The following IMMP2L variants were observed in gnomAD, a reference collection of about 807,000 sequenced individuals.
IMMP2L encodes mitochondrial inner membrane protease subunit 2.
In IMMP2L, 18 loss-of-function variants were observed where a neutral mutation model predicts 19.3. That is an observed-to-expected ratio of 0.93 (90% confidence interval 0.64 to 1.38). The LOEUF (loss-of-function observed/expected upper bound fraction) is 1.38, where lower values mean the gene tolerates loss of function less well. Among genes scored for constraint, IMMP2L ranks in the 40% most tolerant of loss-of-function variants. The probability of loss-of-function intolerance (pLI) is 0.00; values close to 1 mark genes in which losing one functional copy is unlikely to be tolerated. For synonymous variants in IMMP2L, 76 were observed against 73.0 expected (o/e 1.04, Z -0.21); for missense variants, 233 against 218.2 (o/e 1.07, Z -0.43).
At chr7:111,473,350 T>C (rs1326782913) in intron 3 of IMMP2L, among the ~76,000 whole-genome samples, 2 of 152,138 alleles carry the variant, frequency 1.3e-5, no homozygotes, top group Non-Finnish European at 2.9e-5. Context: ...TGGACTCCTA[T>C]GTGGCAGCCT....
intron 4 of IMMP2L, among the ~76,000 whole-genome samples, chr7:110,890,324 T>C (rs900787832): frequency 1.3e-5 from 2 of 152,204 alleles, no homozygotes. Flanking sequence ...TATTTGAATA[T>C]TGCTATGCTA....
At position 110,930,516 on chromosome 7, in the gene IMMP2L, G is replaced by C. The variant is rs1260981986; in HGVS notation, c.305+32984C>G. On this transcript the variant is annotated intron_variant, in intron 4 of 5. Transcript: ENST00000405709. The stretch of plus-strand genomic sequence containing the variant: ...ATTTATTATAATAGCTATATAGGTA[G>C]GTTATATTATTTCTACTTTACTAAG... 2.0e-5 allele frequency among the ~76,000 whole-genome samples: 3 copies of C among 152,128 alleles called. No homozygotes were observed. The East Asian group carries it at 5.8e-4, about 29-fold the overall frequency.
At chr7:111,271,571 T>A (rs1818472831) in intron 3 of IMMP2L, among the ~76,000 whole-genome samples, 2 of 152,100 alleles carry the variant, frequency 1.3e-5, no homozygotes, top group Admixed American at 1.3e-4. Context: ...ATAGAGTAGG[T>A]CAAGGTTGGG....
intron 3 of IMMP2L, among the ~76,000 whole-genome samples, chr7:110,996,122 A>C (rs1425321248): frequency 6.6e-6 from 1 of 152,152 alleles, no homozygotes; most frequent in African/African-American, 2.4e-5. Context: ...AACATAGACA[A>C]GTATGCAATT....
At chr7:110,749,507 C>G (rs1458286020) in intron 5 of IMMP2L, among the ~76,000 whole-genome samples, 1 of 152,074 alleles carries the variant, frequency 6.6e-6, no homozygotes, top group African/African-American at 2.4e-5. Context: ...AAATGCCCAT[C>G]AATGATAGGC....
chr7:111,386,169 C>T (rs1305920322), intron 3 of IMMP2L, among the ~76,000 whole-genome samples: 1 of 152,010 alleles, frequency 6.6e-6, no homozygotes, highest in Non-Finnish European at 1.5e-5. Flanking sequence ...TAAACCACCA[C>T]TCCCAGCCTG....
At chr7:110,697,968 TA>T (rs1356981597) in intron 5 of IMMP2L, among the ~76,000 whole-genome samples, 17 of 152,328 alleles carry the variant, frequency 1.1e-4, no homozygotes, top group Non-Finnish European at 8.8e-5. Context: ...ATTTTATTGC[TA>T]AAATACTATG....
intron 5 of IMMP2L, among the ~76,000 whole-genome samples, chr7:110,745,086 C>T (rs912821934): frequency 5.3e-5 from 8 of 152,008 alleles, no homozygotes; most frequent in African/African-American, 1.5e-4. Context: ...AAACATAGTA[C>T]GAGAATTTCG....
chr7:111,274,968 T>C (rs1176529961), intron 3 of IMMP2L, among the ~76,000 whole-genome samples: 3 of 152,172 alleles, frequency 2.0e-5, no homozygotes, highest in African/African-American at 7.2e-5. Flanking sequence ...CATCTTCCAG[T>C]CTCTGATCCC....
chr7:110,663,487 T>C lies in IMMP2L; in HGVS notation c.*115A>G, dbSNP rs1791211623. 3.6e-6 allele frequency: 3 copies of C among 841,188 alleles called. No individual in the cohort carries two copies. The highest frequency in any genetic ancestry group is 1.9e-6 in the Non-Finnish European group (1 of 514,688). 52.1% of individuals were successfully genotyped at this position (841,188 alleles called of 1,614,324 possible). ...ACAGATCGTTTTAATGTGCTGTAAATATTTCTCGCACAGCATCATATTGTC... is the reference window on the plus strand; with the variant it reads ...ACAGATCGTTTTAATGTGCTGTAAACATTTCTCGCACAGCATCATATTGTC... On this transcript the variant is annotated 3_prime_UTR_variant, in exon 6 of 6. Coordinates refer to ENST00000405709, the MANE Select transcript of IMMP2L (RefSeq NM_032549.4).
At chr7:111,516,690 T>C (rs546459331) in intron 2 of IMMP2L, among the ~76,000 whole-genome samples, 1 of 152,236 alleles carries the variant, frequency 6.6e-6, no homozygotes, top group African/African-American at 2.4e-5. Flanking sequence ...TTGCTATAAA[T>C]ACAAAGTCTC....
chr7:111,058,133 A>C (rs762010081), intron 3 of IMMP2L, among the ~76,000 whole-genome samples: 5 of 152,064 alleles, frequency 3.3e-5, no homozygotes, highest in Non-Finnish European at 7.4e-5. Flanking sequence ...GAATTTATCT[A>C]TTTTTCTTTT....
At chr7:111,058,931 T>C (rs745398360) in intron 3 of IMMP2L, among the ~76,000 whole-genome samples, 9 of 152,156 alleles carry the variant, frequency 5.9e-5, no homozygotes, top group Non-Finnish European at 1.3e-4. Flanking sequence ...TCACTGTGTT[T>C]TTTCCTTCCT....
chr7:110,832,185 T>C (rs904232664), intron 5 of IMMP2L, among the ~76,000 whole-genome samples: 2 of 152,036 alleles, frequency 1.3e-5, no homozygotes, highest in African/African-American at 4.8e-5. Flanking sequence ...TCATTTGAAC[T>C]GGGAGGTGGA....
chr7:111,151,199 T>C (rs867242777), intron 3 of IMMP2L, among the ~76,000 whole-genome samples: 4 of 152,316 alleles, frequency 2.6e-5, no homozygotes, highest in South Asian at 2.1e-4. Context: ...TGAACTTAAA[T>C]AGTAATTGAG....
chr7:110,929,081 G>A (rs2129551477), intron 4 of IMMP2L, among the ~76,000 whole-genome samples: 1 of 152,186 alleles, frequency 6.6e-6, no homozygotes, highest in Middle Eastern at 3.4e-3. Flanking sequence ...TATGTAAGGG[G>A]AGAAGCAAAT....
intron 4 of IMMP2L, among the ~76,000 whole-genome samples, chr7:110,961,800 AAC>A (rs1263155673): frequency 6.6e-6 from 1 of 151,964 alleles, no homozygotes; most frequent in Non-Finnish European, 1.5e-5. Context: ...GCAACAAAAA[AAC>A]ACAGACATCA....
chr7:111,509,477 C>T lies in IMMP2L; in HGVS notation c.135+11836G>A, dbSNP rs1418025748. 3.3e-5 allele frequency among the ~76,000 whole-genome samples: 5 copies of T among 152,260 alleles called. No individual in the cohort carries two copies. The East Asian group carries it at 9.6e-4, about 29-fold the overall frequency. On this transcript the variant is annotated intron_variant, in intron 2 of 5. Transcript: ENST00000405709. The stretch of plus-strand genomic sequence containing the variant: ...TTAGTTATAGCTCAATTTGAGCTGT[C>T]TCACCCTTGTAAGCTTCCCTCCAGC...
At chr7:110,743,139 G>C (rs972336044) in intron 5 of IMMP2L, among the ~76,000 whole-genome samples, 2 of 152,078 alleles carry the variant, frequency 1.3e-5, no homozygotes, top group Non-Finnish European at 1.5e-5. Flanking sequence ...TATTAATGTA[G>C]GTTCTCAAAA....
Sources: gnomAD v4.1 joint callset for allele counts (sites outside exome capture counted in the v4.1 genomes callset) on GRCh38, gnomAD v4.1.1 for gene constraint, MANE v1.5 for transcripts, NCBI Gene and HGNC (gene_info 2026-07-23, HGNC 2026-07-21) for gene names.